The following GRIN3A variants were observed in gnomAD, a reference collection of about 807,000 sequenced individuals.
The protein encoded by GRIN3A is glutamate receptor ionotropic, NMDA 3A.
In GRIN3A, 47 loss-of-function variants were observed where a neutral mutation model predicts 92.4. That is an observed-to-expected ratio of 0.51 (90% CI 0.40 to 0.65). The LOEUF (loss-of-function observed/expected upper bound fraction) is 0.65, where lower values mean the gene tolerates loss of function less well. GRIN3A is among the 30% of genes least tolerant of loss of function. The pLI is 0.00. For synonymous variants in GRIN3A, 527 were observed against 540.6 expected (o/e 0.97, Z 0.35); for missense variants, 1,324 against 1,393.1 (o/e 0.95, Z 0.79).
intron 6 of GRIN3A, among the ~76,000 whole-genome samples, chr9:101,611,850 CAG>C (rs1388907349): frequency 6.6e-6 from 1 of 152,136 alleles, no homozygotes; most frequent in Non-Finnish European, 1.5e-5. Context: ...CTGGGATTAT[CAG>C]AGTCTGAAGA....
intron 1 of GRIN3A, among the ~76,000 whole-genome samples, chr9:101,735,060 G>T (rs193006265): frequency 1.3e-5 from 2 of 151,900 alleles, no homozygotes; most frequent in Non-Finnish European, 2.9e-5. Context: ...ACTGAAAGCA[G>T]ATTACGGTCA....
At chr9:101,688,825 A>C (rs1223353877) in intron 1 of GRIN3A, among the ~76,000 whole-genome samples, 1 of 152,106 alleles carries the variant, frequency 6.6e-6, no homozygotes, top group Non-Finnish European at 1.5e-5. Context: ...CCAAAATTGC[A>C]CCACTGTACT....
At chr9:101,673,703 T>G (rs1017591880) in intron 2 of GRIN3A, among the ~76,000 whole-genome samples, 6 of 152,136 alleles carry the variant, frequency 3.9e-5, no homozygotes, top group African/African-American at 1.4e-4. Context: ...TGCCCTTTAC[T>G]CTTCTTGGAT....
intron 3 of GRIN3A, among the ~76,000 whole-genome samples, chr9:101,654,114 T>C (rs1829050738): frequency 6.6e-6 from 1 of 151,076 alleles, no homozygotes; most frequent in Non-Finnish European, 1.5e-5. Context: ...TTCAATACAG[T>C]GTTTTATTAT....
At chr9:101,706,128 G>A (rs1024905977) in intron 1 of GRIN3A, among the ~76,000 whole-genome samples, 2 of 152,198 alleles carry the variant, frequency 1.3e-5, no homozygotes, top group Non-Finnish European at 2.9e-5. Context: ...TGTCAGAACT[G>A]AGATGGAAAT....
intron 3 of GRIN3A, among the ~76,000 whole-genome samples, chr9:101,654,259 T>A (rs191989008): frequency 2.0e-5 from 3 of 148,818 alleles, no homozygotes; most frequent in Admixed American, 6.8e-5. Context: ...TCATTACAAA[T>A]TCTGCTCTGG....
chr9:101,702,666 A>G (rs558498989), intron 1 of GRIN3A, among the ~76,000 whole-genome samples: 3 of 152,304 alleles, frequency 2.0e-5, no homozygotes, highest in African/African-American at 4.8e-5. Flanking sequence ...TCTTCAATAC[A>G]GAGATCTTAT....
chr9:101,705,579 C>G (rs566624951), intron 1 of GRIN3A, among the ~76,000 whole-genome samples: 4 of 152,286 alleles, frequency 2.6e-5, no homozygotes, highest in Non-Finnish European at 5.9e-5. Flanking sequence ...CTGTAACACA[C>G]GCTCACTTGG....
intron 1 of GRIN3A, among the ~76,000 whole-genome samples, chr9:101,690,149 G>A (rs902980046): frequency 1.3e-5 from 2 of 151,854 alleles, no homozygotes; most frequent in Non-Finnish European, 2.9e-5. Context: ...AAATAGTACT[G>A]ATAATTCTCA....
rs1223992304 is a variant in GRIN3A at position 101,620,713 on chromosome 9, T to C, written c.2614+2605A>G. Among the ~76,000 whole-genome samples the C allele has an allele frequency of 2.6e-5, 4 of 152,276 alleles. No homozygotes were observed. The South Asian group carries it at 8.3e-4, about 32-fold the overall frequency. Reference sequence around the variant, plus strand: ...TTGTACTAGGCCCTGTGAAAGGTTATGGGTAGGCATATAAAACATTCCTGT... The same window carrying C: ...TTGTACTAGGCCCTGTGAAAGGTTACGGGTAGGCATATAAAACATTCCTGT... On this transcript the variant is annotated intron_variant, in intron 5 of 8. Transcript: ENST00000361820.
rs200756465 is a variant in GRIN3A, at chr9:101,575,328, TA to T, written c.3009-1816del. Among the ~76,000 whole-genome samples the T allele has an allele frequency of 1.4e-4, 22 of 152,360 alleles. No homozygotes were observed. In the East Asian group the frequency reaches 4.2e-3, roughly 29 times the overall value. ...AGATGTAATTTTTCTTCTAGCTTTATAATTCCCTTTAATTTTTTTCTTCAAA... is the reference window on the plus strand; with the variant it reads ...AGATGTAATTTTTCTTCTAGCTTTATATTCCCTTTAATTTTTTTCTTCAAA... On this transcript the variant is annotated intron_variant, in intron 8 of 8. Coordinates refer to ENST00000361820, the MANE Select transcript of GRIN3A (RefSeq NM_133445.3).
rs776057090 is a variant in GRIN3A at position 101,670,809 on chromosome 9, C to T, written c.1603G>A (p.Gly535Ser). The T allele has an allele frequency of 1.2e-6, 2 of 1,614,044 alleles. No homozygotes were observed. The highest frequency in any genetic ancestry group is 1.1e-5 in the South Asian group (1 of 91,082). The change falls in exon 3 of 9, where the codon GGC (glycine) becomes AGC (serine). Residue 535 changes from glycine (G) to serine (S), a missense_variant. By Grantham distance (56) the Gly-to-Ser change is moderately conservative. Coordinates refer to ENST00000361820, the MANE Select transcript of GRIN3A (RefSeq NM_133445.3). The stretch of plus-strand genomic sequence containing the variant: ...CAGAGTTGGCCAGCAGGGCACAAGC[C>T]TTCATCATCTACCTCCCTTGTGAAG... ...FVFTREVDDE[G>S]LCPAGQLCLD...
Position 101,738,429 on chromosome 9 carries a change from C to G in GRIN3A, c.-450G>C, listed in dbSNP as rs936576815. On this transcript the variant is annotated 5_prime_UTR_variant, in exon 1 of 9. Transcript: ENST00000361820. Reference sequence around the variant, plus strand: ...TTTTCCTTTTCTGCCCAGGCGAGACCCACTTATTTCCTGGGGTCGCGTTGG... The same window carrying G: ...TTTTCCTTTTCTGCCCAGGCGAGACGCACTTATTTCCTGGGGTCGCGTTGG... 5 of 196,232 alleles carry G rather than the reference C, an allele frequency of 2.5e-5. No individual in the cohort carries two copies. The highest frequency in any genetic ancestry group is 6.2e-5 in the Admixed American group (1 of 16,170). 12.2% of individuals were successfully genotyped at this position (196,232 alleles called of 1,614,324 possible).
At chr9:101,689,721 CAT>C (rs1829588811) in intron 1 of GRIN3A, among the ~76,000 whole-genome samples, 1 of 149,722 alleles carries the variant, frequency 6.7e-6, no homozygotes, top group South Asian at 2.1e-4. Context: ...TATGCACATG[CAT>C]ACACATGCAC....
At chr9:101,631,672 G>T (rs186733280) in intron 3 of GRIN3A, among the ~76,000 whole-genome samples, 81 of 152,228 alleles carry the variant, frequency 5.3e-4, no homozygotes, top group African/African-American at 1.8e-3. Context: ...TTGCTCATCA[G>T]CTCCCATATC....
At chr9:101,691,341 G>GA (rs1829615926) in intron 1 of GRIN3A, among the ~76,000 whole-genome samples, 1 of 152,098 alleles carries the variant, frequency 6.6e-6, no homozygotes. Flanking sequence ...TAGAAGTCAT[G>GA]AAAATTACTG....
intron 6 of GRIN3A, 66 bp downstream of exon 6, chr9:101,613,310 C>A: frequency 1.3e-6 from 2 of 1,512,114 alleles, no homozygotes; most frequent in Non-Finnish European, 1.8e-6. Context: ...CAAGTAATAG[C>A]ATTTCCTTAT....
chr9:101,665,085 A>G (rs1391137340), intron 3 of GRIN3A, among the ~76,000 whole-genome samples: 1 of 151,976 alleles, frequency 6.6e-6, no homozygotes, highest in Non-Finnish European at 1.5e-5. Flanking sequence ...AGCTAGAAAT[A>G]TAAACTATTT....
intron 6 of GRIN3A, among the ~76,000 whole-genome samples, chr9:101,607,156 GGA>G (rs1828297840): frequency 8.0e-6 from 1 of 125,170 alleles, no homozygotes. Flanking sequence ...CTGGAATTCA[GGA>G]AAAAAAAAAA....
Sources: allele counts gnomAD v4.1 joint callset (sites outside exome capture counted in the v4.1 genomes callset), GRCh38; gene constraint gnomAD v4.1.1; transcripts MANE v1.5; gene names NCBI Gene and HGNC (gene_info 2026-07-23, HGNC 2026-07-21).